The following SPADH variants were observed in gnomAD, a reference collection of about 807,000 sequenced individuals.
The protein encoded by SPADH is spermadhesin family member, also known as CUB domain-containing protein.
chr10:122,672,975 C>G, the SPADH span: 1 of 967,584 alleles, frequency 1.0e-6, no homozygotes, highest in Non-Finnish European at 1.2e-6. Context: ...CACTGTTTTC[C>G]TTTTCAACTG....
chr10:122,673,051 T>A, the SPADH span: 1 of 368,174 alleles, frequency 2.7e-6, no homozygotes, highest in Non-Finnish European at 3.8e-6. Flanking sequence ...AAAGATACTC[T>A]CTTCCATACA....
chr10:122,674,333 C>T, the SPADH span, among the ~76,000 whole-genome samples: 1 of 152,210 alleles, frequency 6.6e-6, no homozygotes, highest in African/African-American at 2.4e-5. Context: ...AGCCTGAAAG[C>T]TTGTGTGGTT....
chr10:122,676,252 C>T, the SPADH span, among the ~76,000 whole-genome samples: 2 of 152,308 alleles, frequency 1.3e-5, no homozygotes, highest in South Asian at 4.1e-4. Context: ...ACACATTTGA[C>T]CACTCAAGGA....
chr10:122,675,556 A>G, the SPADH span: 2 of 421,670 alleles, frequency 4.7e-6, no homozygotes, highest in Non-Finnish European at 6.4e-6. Flanking sequence ...TCCTCTTCAC[A>G]GTGTAGTCAT....
the SPADH span, among the ~76,000 whole-genome samples, chr10:122,675,241 C>G: frequency 3.7e-4 from 56 of 152,198 alleles, 1 homozygote; most frequent in Non-Finnish European, 1.5e-4. Flanking sequence ...GACGTGAGAC[C>G]TTTAGCTAAA....
the SPADH span, among the ~76,000 whole-genome samples, chr10:122,675,020 A>G: frequency 1.3e-5 from 2 of 152,228 alleles, no homozygotes; most frequent in Non-Finnish European, 1.5e-5. Flanking sequence ...GATTGTGTGC[A>G]GGGCTGGCTT....
chr10:122,676,698 G>A, the SPADH span: 1 of 984,314 alleles, frequency 1.0e-6, no homozygotes, highest in Non-Finnish European at 1.2e-6. Context: ...AATGACACAA[G>A]CCAATCCCAG....
chr10:122,676,682 C>T, the SPADH span: 1 of 975,362 alleles, frequency 1.0e-6, no homozygotes, highest in Non-Finnish European at 1.2e-6. Flanking sequence ...TAACAGGGGC[C>T]CCTGGAATGA....
the SPADH span, among the ~76,000 whole-genome samples, chr10:122,674,984 T>C: frequency 2.2e-4 from 34 of 152,326 alleles, no homozygotes; most frequent in African/African-American, 7.2e-4. Context: ...ATGATCCCAG[T>C]GTCACGTGCA....
At chr10:122,677,871 T>C in the SPADH span, among the ~76,000 whole-genome samples, 1 of 152,110 alleles carries the variant, frequency 6.6e-6, no homozygotes, top group Non-Finnish European at 1.5e-5. Flanking sequence ...AAGACCCAGA[T>C]GGGGAAACAA....
At chr10:122,677,138 TCTC>T in the SPADH span, among the ~76,000 whole-genome samples, 2 of 152,170 alleles carry the variant, frequency 1.3e-5, no homozygotes, top group Non-Finnish European at 1.5e-5. Context: ...TCTGATCACT[TCTC>T]CTCTCTGGAC....
chr10:122,676,678 G>T, the SPADH span: 4 of 971,764 alleles, frequency 4.1e-6, no homozygotes, highest in African/African-American at 7.0e-5. Context: ...GTAATAACAG[G>T]GGCCCCTGGA....
the SPADH span, chr10:122,676,984 C>A: frequency 1.2e-6 from 1 of 834,044 alleles, no homozygotes; most frequent in Non-Finnish European, 1.4e-6. Context: ...TCCACCCTAT[C>A]CATGACAGCC....
At chr10:122,676,771 G>A in the SPADH span, 34 of 985,148 alleles carry the variant, frequency 3.5e-5, no homozygotes, top group South Asian at 4.7e-5. Context: ...AGTGACTGTG[G>A]GGGCCACTAC....
chr10:122,674,997 G>T, the SPADH span, among the ~76,000 whole-genome samples: 1 of 152,342 alleles, frequency 6.6e-6, no homozygotes, highest in East Asian at 1.9e-4. Flanking sequence ...CACGTGCACC[G>T]TGGGACGTAT....
chr10:122,675,426 CT>C, the SPADH span, among the ~76,000 whole-genome samples: 1 of 152,136 alleles, frequency 6.6e-6, no homozygotes, highest in Non-Finnish European at 1.5e-5. Context: ...CCGATGCTTC[CT>C]TCCATCCTTC....
chr10:122,673,882 G>A, the SPADH span, among the ~76,000 whole-genome samples: 2 of 152,108 alleles, frequency 1.3e-5, no homozygotes, highest in African/African-American at 4.8e-5. Flanking sequence ...CAGGATTTCA[G>A]CCTCACTGTA....
chr10:122,674,248 G>A, the SPADH span, among the ~76,000 whole-genome samples: 1 of 152,188 alleles, frequency 6.6e-6, no homozygotes, highest in East Asian at 1.9e-4. Context: ...AGGAGTTAGT[G>A]AAGCAAAAGT....
chr10:122,675,627 GT>G, the SPADH span: 82 of 981,240 alleles, frequency 8.4e-5, no homozygotes, highest in Non-Finnish European at 9.8e-5. Flanking sequence ...TTTTTGTTTT[GT>G]TTTGTCTTTC....
Sources: gnomAD v4.1 joint callset for allele counts (sites outside exome capture counted in the v4.1 genomes callset) on GRCh38, gnomAD v4.1.1 for gene constraint, MANE v1.5 for transcripts, NCBI Gene and HGNC (gene_info 2026-07-23, HGNC 2026-07-21) for gene names.